Variants in XPR1 observed in about 807,000 individuals in gnomAD.
XPR1 encodes the protein xenotropic and polytropic retrovirus receptor 1.
Under a neutral mutation model 87.5 loss-of-function variants are expected in XPR1, and 28 were observed. That is an observed-to-expected ratio of 0.32 (90% confidence interval 0.24 to 0.44). The LOEUF is 0.44. Among genes scored for constraint, XPR1 ranks in the 20% least tolerant of loss-of-function variants. The probability of loss-of-function intolerance (pLI) is 1.00; values close to 1 mark genes in which losing one functional copy is unlikely to be tolerated. For synonymous variants in XPR1, 300 were observed against 306.1 expected, an observed-to-expected ratio of 0.98 and a Z score of 0.21; for missense variants, 559 against 862.3, an observed-to-expected ratio of 0.65 and a Z score of 4.41.
intron 7 of XPR1, among the ~76,000 whole-genome samples, chr1:180,819,984 C>T (rs1219300416): frequency 6.6e-6 from 1 of 151,462 alleles, no homozygotes; most frequent in Non-Finnish European, 1.5e-5. Flanking sequence ...CATGCCATTG[C>T]ACTCCAGCCT....
chr1:180,806,354 T>A lies in XPR1; in HGVS notation c.598-120T>A, dbSNP rs1649991927. The A allele has an allele frequency of 2.8e-6, 4 of 1,446,570 alleles. No homozygotes were observed. The South Asian group carries it at 5.4e-5, about 20-fold the overall frequency. 89.6% of individuals were successfully genotyped at this position (1,446,570 alleles called of 1,614,324 possible). On this transcript the variant is annotated intron_variant, in intron 5 of 14. Coordinates refer to ENST00000367590, the MANE Select transcript of XPR1 (RefSeq NM_004736.4). ...ACCTGTGATTTTTTTTCATTTTCTTTATCAGTATATATTCACCAAAAAGTT... is the reference window on the plus strand; with the variant it reads ...ACCTGTGATTTTTTTTCATTTTCTTAATCAGTATATATTCACCAAAAAGTT...
intron 2 of XPR1, among the ~76,000 whole-genome samples, chr1:180,684,749 A>G (rs532074746): frequency 1.3e-3 from 192 of 152,302 alleles, no homozygotes; most frequent in African/African-American, 4.5e-3. Flanking sequence ...TCTTTGAAGC[A>G]ATGGTGAATG....
At position 180,815,181 on chromosome 1, in the gene XPR1, A is replaced by T. The variant is rs75675229; in HGVS notation, c.763+3693A>T. On this transcript the variant is annotated intron_variant, in intron 7 of 14. Coordinates refer to ENST00000367590, the MANE Select transcript of XPR1 (RefSeq NM_004736.4). ...AGATGAGCATGGTGGTATTATCATC[A>T]TTAAAAAAAGACATAAAAAATACAT... Among the ~76,000 whole-genome samples, 1,416 of 152,216 alleles carry T rather than the reference A, an allele frequency of 9.3e-3. 23 individuals carry two copies. The highest frequency in any genetic ancestry group is 0.031 in the African/African-American group (1,284 of 41,532).
At chr1:180,882,349 T>G (rs1652872139) in intron 14 of XPR1, among the ~76,000 whole-genome samples, 1 of 152,070 alleles carries the variant, frequency 6.6e-6, no homozygotes, top group South Asian at 2.1e-4. Flanking sequence ...ATGTGTGTGG[T>G]TTTTTTGTTT....
At chr1:180,697,476 T>C (rs1657208169) in intron 2 of XPR1, among the ~76,000 whole-genome samples, 1 of 152,096 alleles carries the variant, frequency 6.6e-6, no homozygotes, top group African/African-American at 2.4e-5. Flanking sequence ...ATCTTTATTA[T>C]TGCTTTTCTT....
At chr1:180,813,090 A>G (rs1469771378) in intron 7 of XPR1, among the ~76,000 whole-genome samples, 1 of 138,306 alleles carries the variant, frequency 7.2e-6, no homozygotes, top group Non-Finnish European at 1.5e-5. Context: ...TTCAAAATTC[A>G]TTCATGGCTA....
At chr1:180,743,294 A>C (rs1295079459) in intron 2 of XPR1, among the ~76,000 whole-genome samples, 1 of 148,780 alleles carries the variant, frequency 6.7e-6, no homozygotes, top group African/African-American at 2.5e-5. Context: ...ATCTGTTTCT[A>C]CAGTTATTTT....
chr1:180,726,520 C>A, intron 2 of XPR1, among the ~76,000 whole-genome samples: 1 of 152,214 alleles, frequency 6.6e-6, no homozygotes, highest in East Asian at 1.9e-4. Context: ...AGTTCTGTTT[C>A]TTATAAGCCA....
At chr1:180,687,773 G>T (rs1656836222) in intron 2 of XPR1, among the ~76,000 whole-genome samples, 1 of 151,760 alleles carries the variant, frequency 6.6e-6, no homozygotes, top group Non-Finnish European at 1.5e-5. Context: ...ATTATAACTA[G>T]GAAGTGCTAA....
intron 1 of XPR1, among the ~76,000 whole-genome samples, chr1:180,675,707 A>G (rs1656347413): frequency 6.6e-6 from 1 of 152,224 alleles, no homozygotes; most frequent in African/African-American, 2.4e-5. Flanking sequence ...CTTAAACAGC[A>G]TGAGTTGAGG....
chr1:180,641,721 T>A (rs1042059979), intron 1 of XPR1, among the ~76,000 whole-genome samples: 1 of 152,200 alleles, frequency 6.6e-6, no homozygotes, highest in Non-Finnish European at 1.5e-5. Flanking sequence ...TTTTTAGAGT[T>A]GAAAGAGACC....
chr1:180,710,062 T>C (rs1000755779), intron 2 of XPR1, among the ~76,000 whole-genome samples: 1 of 151,902 alleles, frequency 6.6e-6, no homozygotes, highest in African/African-American at 2.4e-5. Flanking sequence ...CCTGGCTAAT[T>C]TTTGCATTTT....
At chr1:180,712,232 T>G (rs1657824920) in intron 2 of XPR1, among the ~76,000 whole-genome samples, 1 of 152,202 alleles carries the variant, frequency 6.6e-6, no homozygotes, top group Non-Finnish European at 1.5e-5. Flanking sequence ...AAGTGTTACT[T>G]GAACACAAGC....
At chr1:180,657,662 T>C (rs2101913032) in intron 1 of XPR1, among the ~76,000 whole-genome samples, 1 of 152,360 alleles carries the variant, frequency 6.6e-6, no homozygotes, top group Admixed American at 6.5e-5. Context: ...TCTGTTTTTA[T>C]GCTAGTACCA....
intron 2 of XPR1, among the ~76,000 whole-genome samples, chr1:180,770,115 C>A (rs573567570): frequency 6.6e-6 from 1 of 152,120 alleles, no homozygotes; most frequent in Non-Finnish European, 1.5e-5. Context: ...TTTGACATAG[C>A]CTTTTGCTTC....
intron 2 of XPR1, among the ~76,000 whole-genome samples, chr1:180,715,114 A>G (rs1219142814): frequency 6.6e-6 from 1 of 152,202 alleles, no homozygotes; most frequent in Non-Finnish European, 1.5e-5. Context: ...GTAGCATCCA[A>G]AGTGCCTGGT....
chr1:180,653,645 A>T (rs534372248), intron 1 of XPR1, among the ~76,000 whole-genome samples: 32 of 152,196 alleles, frequency 2.1e-4, no homozygotes, highest in Admixed American at 4.6e-4. Flanking sequence ...CCTATGATAA[A>T]GTTTAATAAA....
At chr1:180,845,926 A>ATT (rs1397138038) in intron 11 of XPR1, among the ~76,000 whole-genome samples, 2 of 152,216 alleles carry the variant, frequency 1.3e-5, no homozygotes, top group African/African-American at 2.4e-5. Flanking sequence ...ATTTGACATG[A>ATT]TTAATTTGCT....
chr1:180,758,147 A>ACACG (rs1483299661), intron 2 of XPR1, among the ~76,000 whole-genome samples: 3 of 150,888 alleles, frequency 2.0e-5, no homozygotes, highest in Non-Finnish European at 2.9e-5. Flanking sequence ...ACACACACAC[A>ACACG]TTATTCAGCC....
Sources: gnomAD v4.1 joint callset for allele counts (sites outside exome capture counted in the v4.1 genomes callset) on GRCh38, gnomAD v4.1.1 for gene constraint, MANE v1.5 for transcripts, NCBI Gene and HGNC (gene_info 2026-07-23, HGNC 2026-07-21) for gene names.